The following NUBPL variants were observed in gnomAD, a reference collection of about 807,000 sequenced individuals.
NUBPL encodes the protein iron-sulfur cluster transfer protein NUBPL.
In NUBPL, 31 loss-of-function variants were observed where a neutral mutation model predicts 45.7. The ratio of observed to expected loss-of-function variants is 0.68; its 90% CI spans 0.51 to 0.92. NUBPL has a LOEUF of 0.92. NUBPL is among the 40% of genes least tolerant of loss of function. The pLI, the probability that NUBPL is intolerant of heterozygous loss-of-function variation, is 0.00. For missense variants in NUBPL, 401 were observed against 398.7 expected (o/e 1.01, Z -0.05); for synonymous variants, 144 against 140.9 (o/e 1.02, Z -0.15).
At chr14:31,757,871 C>G (rs2038705896) in intron 6 of NUBPL, among the ~76,000 whole-genome samples, 1 of 152,130 alleles carries the variant, frequency 6.6e-6, no homozygotes, top group South Asian at 2.1e-4. Context: ...CATGCTTACC[C>G]AAGTTCAGAG....
At chr14:31,785,614 T>A (rs2039269923) in intron 6 of NUBPL, among the ~76,000 whole-genome samples, 1 of 152,166 alleles carries the variant, frequency 6.6e-6, no homozygotes, top group South Asian at 2.1e-4. Context: ...ATACCTGTAG[T>A]TTTCTTCACA....
intron 6 of NUBPL, among the ~76,000 whole-genome samples, chr14:31,696,834 A>G (rs890172277): frequency 6.6e-6 from 1 of 152,242 alleles, no homozygotes; most frequent in African/African-American, 2.4e-5. Context: ...TACAAACATA[A>G]AAGTTTAACA....
Position 31,565,034 on chromosome 14 carries a change from G to T in NUBPL, c.277G>T (p.Ala93Ser). ...TTAVNLALALAANDSSKAIGL... is the reference protein window; with the variant it reads ...TTAVNLALALSANDSSKAIGL... ...TACAGTGAATCTTGCACTTGCACTA[G>T]CAGCGAACGATTCGGTAGGTGTTTA... The change falls in exon 3 of 11, where the codon GCA becomes TCA. Residue 93 changes from alanine (A) to serine (S), a missense_variant. By Grantham distance (99) the Ala-to-Ser change is moderately conservative. Transcript: ENST00000281081. 2 of 1,556,770 alleles carry T rather than the reference G, an allele frequency of 1.3e-6. No homozygotes were observed. The highest frequency in any genetic ancestry group is 1.8e-6 in the Non-Finnish European group (2 of 1,137,860).
chr14:31,658,659 C>T (rs574595532), intron 4 of NUBPL, among the ~76,000 whole-genome samples: 9 of 152,070 alleles, frequency 5.9e-5, no homozygotes, highest in East Asian at 3.9e-4. Flanking sequence ...ACTTCAGGCA[C>T]GCGCTACCAT....
intron 7 of NUBPL, among the ~76,000 whole-genome samples, chr14:31,793,268 T>C (rs368095350): frequency 1.3e-5 from 2 of 152,146 alleles, no homozygotes; most frequent in East Asian, 3.9e-4. Context: ...TTCCAGAATA[T>C]GTCTTTACAG....
intron 6 of NUBPL, among the ~76,000 whole-genome samples, chr14:31,697,324 T>C (rs1232296490): frequency 6.6e-6 from 1 of 152,162 alleles, no homozygotes; most frequent in Non-Finnish European, 1.5e-5. Flanking sequence ...GCCAGTGAAA[T>C]ATATTGATCA....
intron 6 of NUBPL, among the ~76,000 whole-genome samples, chr14:31,724,059 G>A (rs749191236): frequency 2.0e-4 from 31 of 152,198 alleles, no homozygotes; most frequent in Non-Finnish European, 3.7e-4. Flanking sequence ...CATTCAATAT[G>A]AGGTTGTCTA....
intron 3 of NUBPL, among the ~76,000 whole-genome samples, chr14:31,584,331 C>T (rs563553048): frequency 7.3e-4 from 111 of 152,172 alleles, no homozygotes; most frequent in Non-Finnish European, 1.0e-3. Flanking sequence ...TATTATATTG[C>T]CAAGGCTGGT....
chr14:31,582,903 A>G (rs757862175), intron 3 of NUBPL, among the ~76,000 whole-genome samples: 1 of 152,202 alleles, frequency 6.6e-6, no homozygotes, highest in Non-Finnish European at 1.5e-5. Context: ...ACCAAATGTC[A>G]TTTTTAAAGG....
intron 10 of NUBPL, among the ~76,000 whole-genome samples, chr14:31,857,156 A>G (rs917178098): frequency 1.3e-5 from 2 of 152,028 alleles, no homozygotes; most frequent in African/African-American, 4.8e-5. Flanking sequence ...CTGTGCACCC[A>G]CAAGCTCAAC....
chr14:31,662,374 A>G (rs1373449716), intron 4 of NUBPL, among the ~76,000 whole-genome samples: 1 of 151,856 alleles, frequency 6.6e-6, no homozygotes, highest in African/African-American at 2.4e-5. Context: ...TACATATACA[A>G]GTGCCATGGC....
chr14:31,687,733 C>T lies in NUBPL; in HGVS notation c.513+14159C>T, dbSNP rs115224611. 8.4e-3 allele frequency among the ~76,000 whole-genome samples: 1,272 copies of T among 152,206 alleles called. 12 individuals carry two copies. Among genetic ancestry groups the T allele is most frequent in the Admixed American group, 0.018 (280 of 15,294 alleles). ...TTTTTCATTGTGTTTAACATAATACCGTGAACCTTGAATAACACCATGGGA... is the reference window on the plus strand; with the variant it reads ...TTTTTCATTGTGTTTAACATAATACTGTGAACCTTGAATAACACCATGGGA... On this transcript the variant is annotated intron_variant, in intron 6 of 10. Transcript: ENST00000281081.
intron 6 of NUBPL, among the ~76,000 whole-genome samples, chr14:31,717,472 G>A (rs899134397): frequency 3.9e-5 from 6 of 152,020 alleles, no homozygotes; most frequent in African/African-American, 1.5e-4. Flanking sequence ...CCTCTACCTG[G>A]TTGCTATTCA....
At chr14:31,761,134 A>T (rs899237257) in intron 6 of NUBPL, among the ~76,000 whole-genome samples, 13 of 152,320 alleles carry the variant, frequency 8.5e-5, no homozygotes, top group African/African-American at 3.1e-4. Context: ...ACACCATTAA[A>T]TGATGTATAT....
intron 6 of NUBPL, among the ~76,000 whole-genome samples, chr14:31,721,073 C>G (rs2037798156): frequency 6.6e-6 from 1 of 152,106 alleles, no homozygotes; most frequent in African/African-American, 2.4e-5. Flanking sequence ...AAAAATGACT[C>G]AAATTTTGGG....
intron 6 of NUBPL, among the ~76,000 whole-genome samples, chr14:31,728,293 T>C (rs2037970591): frequency 6.6e-6 from 1 of 151,934 alleles, no homozygotes; most frequent in Non-Finnish European, 1.5e-5. Flanking sequence ...TTTTCTTGTG[T>C]TGTATTATAA....
rs575657840 is a variant in NUBPL at position 31,608,823 on chromosome 14, A to G, written c.382+9444A>G. On this transcript the variant is annotated intron_variant, in intron 4 of 10. Coordinates refer to ENST00000281081, the MANE Select transcript of NUBPL (RefSeq NM_025152.3). ...CTCCTGCTGTGTGGCCCAGTTTCTAACAGGCCACAGACTGGTACTGGTTTG... is the reference window on the plus strand; with the variant it reads ...CTCCTGCTGTGTGGCCCAGTTTCTAGCAGGCCACAGACTGGTACTGGTTTG... 3.3e-5 allele frequency among the ~76,000 whole-genome samples: 5 copies of G among 152,244 alleles called. No individual in the cohort carries two copies. The East Asian group carries it at 7.7e-4, about 24-fold the overall frequency.
chr14:31,588,843 C>G (rs1263641371), intron 3 of NUBPL, among the ~76,000 whole-genome samples: 1 of 148,802 alleles, frequency 6.7e-6, no homozygotes, highest in Non-Finnish European at 1.5e-5. Flanking sequence ...TGCTTGAACC[C>G]AGGAGGTGGA....
At chr14:31,577,572 C>T (rs2033748947) in intron 3 of NUBPL, among the ~76,000 whole-genome samples, 1 of 152,318 alleles carries the variant, frequency 6.6e-6, no homozygotes. Context: ...AGCCACCACG[C>T]CCAGCTAATT....
Sources: allele counts gnomAD v4.1 joint callset (sites outside exome capture counted in the v4.1 genomes callset), GRCh38; gene constraint gnomAD v4.1.1; transcripts MANE v1.5; gene names NCBI Gene and HGNC (gene_info 2026-07-23, HGNC 2026-07-21).